The following CCDC83 variants were observed in gnomAD, a reference collection of about 807,000 sequenced individuals.
The protein encoded by CCDC83 is coiled-coil domain-containing protein 83.
CCDC83 carries 54 observed loss-of-function variants against 50.1 expected under a neutral mutation model. The ratio of observed to expected loss-of-function variants is 1.08; its 90% confidence interval spans 0.87 to 1.35. The LOEUF (loss-of-function observed/expected upper bound fraction) is 1.35, where lower values mean the gene tolerates loss of function less well. Ranked by LOEUF, CCDC83 falls within the 40% of genes most tolerant of loss-of-function variation. The probability of loss-of-function intolerance (pLI) is 0.00; values close to 1 mark genes in which losing one functional copy is unlikely to be tolerated. For missense variants in CCDC83, 518 were observed against 473.9 expected, an observed-to-expected ratio of 1.09 and a Z score of -0.86; for synonymous variants, 161 against 153.3, an observed-to-expected ratio of 1.05 and a Z score of -0.37.
intron 7 of CCDC83, among the ~76,000 whole-genome samples, chr11:85,905,123 C>G (rs2093419127): frequency 6.6e-6 from 1 of 151,808 alleles, no homozygotes; most frequent in Non-Finnish European, 1.5e-5. Context: ...ATGGTAAAAC[C>G]TCATCTCTAC....
chr11:85,915,549 T>C (rs773715823), intron 9 of CCDC83, 51 bp downstream of exon 9: 1 of 1,375,396 alleles, frequency 7.3e-7, no homozygotes, highest in Non-Finnish European at 1.0e-6. Context: ...CTCTTGTTTT[T>C]CAATTTAAAA....
intron 4 of CCDC83, 98 bp downstream of exon 4, chr11:85,882,773 A>C: frequency 8.5e-7 from 1 of 1,173,148 alleles, no homozygotes; most frequent in Non-Finnish European, 1.2e-6. Context: ...AATGCTGTTA[A>C]GTGTATTTTA....
chr11:85,901,012 C>A (rs1236198935), intron 7 of CCDC83, among the ~76,000 whole-genome samples: 1 of 151,562 alleles, frequency 6.6e-6, no homozygotes, highest in Non-Finnish European at 1.5e-5. Flanking sequence ...TTGCAATGAG[C>A]CAACATCCCA....
intron 5 of CCDC83, among the ~76,000 whole-genome samples, chr11:85,890,951 G>C (rs1267374616): frequency 5.3e-5 from 8 of 152,184 alleles, no homozygotes; most frequent in Admixed American, 5.2e-4. Context: ...AAAGGAAAGA[G>C]ACAAAAATTA....
chr11:85,880,090 CCTTT>C (rs1330445998), intron 3 of CCDC83, among the ~76,000 whole-genome samples: 3 of 152,072 alleles, frequency 2.0e-5, no homozygotes, highest in South Asian at 2.1e-4. Flanking sequence ...TATACTGTTT[CCTTT>C]GTCTTCCCAT....
chr11:85,889,536 C>T (rs2093342013), intron 5 of CCDC83, among the ~76,000 whole-genome samples: 1 of 152,170 alleles, frequency 6.6e-6, no homozygotes, highest in Admixed American at 6.5e-5. Context: ...AGGGACTTGT[C>T]TTAACCATCC....
intron 7 of CCDC83, among the ~76,000 whole-genome samples, chr11:85,909,798 G>C (rs1012335129): frequency 6.6e-6 from 1 of 151,518 alleles, no homozygotes; most frequent in Non-Finnish European, 1.5e-5. Context: ...ACAGAACCAG[G>C]ACATTTTTTC....
chr11:85,894,555 T>C (rs924371690), intron 5 of CCDC83, among the ~76,000 whole-genome samples: 1 of 152,186 alleles, frequency 6.6e-6, no homozygotes, highest in Non-Finnish European at 1.5e-5. Flanking sequence ...GATCTAAAAT[T>C]GAGAATTTTA....
intron 8 of CCDC83, among the ~76,000 whole-genome samples, chr11:85,914,971 G>A (rs12294042): frequency 0.047 from 7,196 of 152,140 alleles, 486 homozygotes; most frequent in African/African-American, 0.15. Flanking sequence ...AGATCTCATG[G>A]GAACTCACTA....
chr11:85,866,257 C>T (rs2093206072), intron 2 of CCDC83, among the ~76,000 whole-genome samples: 1 of 152,160 alleles, frequency 6.6e-6, no homozygotes, highest in African/African-American at 2.4e-5. Flanking sequence ...CATTCATGTA[C>T]TTATTCAATA....
chr11:85,913,213 G>A (rs910665716), intron 8 of CCDC83, among the ~76,000 whole-genome samples: 3 of 152,162 alleles, frequency 2.0e-5, no homozygotes, highest in African/African-American at 7.2e-5. Context: ...TATAGGAACT[G>A]ATATATGTGT....
intron 3 of CCDC83, among the ~76,000 whole-genome samples, chr11:85,881,245 C>T (rs959937756): frequency 1.3e-5 from 2 of 151,692 alleles, no homozygotes; most frequent in African/African-American, 2.4e-5. Flanking sequence ...TGGTGGTGGG[C>T]GTCTATAATC....
chr11:85,873,007 AAAC>A (rs2093248156), intron 2 of CCDC83, among the ~76,000 whole-genome samples: 3 of 152,044 alleles, frequency 2.0e-5, no homozygotes, highest in Admixed American at 2.0e-4. Flanking sequence ...TTTCAAAAAA[AAAC>A]AAACAACTTT....
At chr11:85,893,858 G>A (rs1190862097) in intron 5 of CCDC83, among the ~76,000 whole-genome samples, 1 of 152,004 alleles carries the variant, frequency 6.6e-6, no homozygotes, top group Non-Finnish European at 1.5e-5. Context: ...CAAGGACAGG[G>A]TTTTTTTCTG....
chr11:85,915,978 T>A, intron 9 of CCDC83, 50 bp from the exon 10 acceptor site: 4 of 1,241,264 alleles, frequency 3.2e-6, no homozygotes, highest in Non-Finnish European at 4.6e-6. Flanking sequence ...CATTTTTATT[T>A]GTATATGTTC....
intron 2 of CCDC83, among the ~76,000 whole-genome samples, chr11:85,872,800 T>A (rs1405552788): frequency 6.6e-6 from 1 of 152,196 alleles, no homozygotes; most frequent in Non-Finnish European, 1.5e-5. Context: ...GCATGCCTAG[T>A]TTACCTTAGT....
intron 8 of CCDC83, among the ~76,000 whole-genome samples, chr11:85,912,476 T>C (rs1214318535): frequency 6.6e-6 from 1 of 152,178 alleles, no homozygotes; most frequent in African/African-American, 2.4e-5. Flanking sequence ...CTTTGTGTGC[T>C]TCAGAGAGAG....
chr11:85,898,805 A>G (rs905852254), intron 6 of CCDC83, 142 bp from the exon 7 acceptor site: 1 of 664,408 alleles, frequency 1.5e-6, no homozygotes, highest in African/African-American at 1.8e-5. Context: ...ATGAACAACC[A>G]AACCAAAAGT....
intron 1 of CCDC83, among the ~76,000 whole-genome samples, chr11:85,858,432 C>T (rs1454581751): frequency 2.0e-5 from 3 of 152,208 alleles, no homozygotes; most frequent in African/African-American, 7.2e-5. Context: ...CAGGCCCTGC[C>T]TCTCCTCCCT....
Sources: gnomAD v4.1 joint callset for allele counts (sites outside exome capture counted in the v4.1 genomes callset) on GRCh38, gnomAD v4.1.1 for gene constraint, MANE v1.5 for transcripts, NCBI Gene and HGNC (gene_info 2026-07-23, HGNC 2026-07-21) for gene names.